The following EIF4EBP2 variants were observed in gnomAD, a reference collection of about 807,000 sequenced individuals.
EIF4EBP2 encodes the protein eukaryotic translation initiation factor 4E binding protein 2.
A neutral mutation model predicts 10.3 loss-of-function variants in EIF4EBP2; 5 were observed. The ratio of observed to expected loss-of-function variants is 0.48; its 90% CI spans 0.25 to 1.02. The LOEUF is 1.02. EIF4EBP2 is among the 50% of genes least tolerant of loss of function. EIF4EBP2 has a pLI of 0.15. For missense variants in EIF4EBP2, 188 were observed against 162.2 expected (o/e 1.16, Z -0.86); for synonymous variants, 67 against 61.1 (o/e 1.10, Z -0.45).
At chr10:70,416,380 AC>A (rs1271147037) in intron 1 of EIF4EBP2, among the ~76,000 whole-genome samples, 1 of 152,104 alleles carries the variant, frequency 6.6e-6, no homozygotes. Context: ...AGAGATCGAG[AC>A]CATCCTAGCC....
In EIF4EBP2 at chr10:70,421,913, C is replaced by T. The variant is rs1845161235; in HGVS notation, c.*166C>T. The T allele has an allele frequency of 1.6e-6, 1 of 610,074 alleles. No homozygotes were observed. Among genetic ancestry groups the T allele is most frequent in the African/African-American group, 1.8e-5 (1 of 54,572 alleles). The allele number at this position is 610,074 out of a possible 1,614,324, so 37.8% of individuals were successfully genotyped here. A position where few individuals can be genotyped will look rare whatever the true frequency, so the allele number is the denominator to read the frequency against. On this transcript the variant is annotated 3_prime_UTR_variant, in exon 3 of 3. Transcript: ENST00000373218. Reference sequence around the variant, plus strand: ...GGGTGCCAAATGATGGGAAGATGAGCTTCATCTGACCATTTCTTCTCCCTG... The same window carrying T: ...GGGTGCCAAATGATGGGAAGATGAGTTTCATCTGACCATTTCTTCTCCCTG...
intron 1 of EIF4EBP2, among the ~76,000 whole-genome samples, chr10:70,416,525 G>A (rs1845096703): frequency 7.0e-6 from 1 of 143,482 alleles, no homozygotes; most frequent in Non-Finnish European, 1.5e-5. Flanking sequence ...GTTGCAGTGA[G>A]CCAAGATCAT....
At chr10:70,410,483 G>C (rs992766217) in intron 1 of EIF4EBP2, among the ~76,000 whole-genome samples, 3 of 152,222 alleles carry the variant, frequency 2.0e-5, no homozygotes, top group African/African-American at 7.2e-5. Flanking sequence ...TACAGAGTTA[G>C]GCAGCTTTTA....
In EIF4EBP2 at chr10:70,427,174, A is replaced by G. The variant is rs530526239; in HGVS notation, c.*5427A>G. 1 of 152,266 alleles carries G rather than the reference A, an allele frequency of 6.6e-6. No individual in the cohort carries two copies. The highest frequency in any genetic ancestry group is 2.4e-5 in the African/African-American group (1 of 41,552). The allele number at this position is 152,266 out of a possible 1,614,324, so 9.4% of individuals were successfully genotyped here. On this transcript the variant is annotated 3_prime_UTR_variant, in exon 3 of 3. Transcript: ENST00000373218. Reference sequence around the variant, plus strand: ...CTGGACTACATGCACATGGGCAGCTATAGATTAATCTGCAAAACCTAGTCA... The same window carrying G: ...CTGGACTACATGCACATGGGCAGCTGTAGATTAATCTGCAAAACCTAGTCA...
rs1845210727 is a variant in EIF4EBP2, at chr10:70,426,918, G to T, written c.*5171G>T. On this transcript the variant is annotated 3_prime_UTR_variant, in exon 3 of 3. Coordinates refer to ENST00000373218, the MANE Select transcript of EIF4EBP2 (RefSeq NM_004096.5). ...TGAGTATGTGGGTTTCACTGCCGGAGTCCATCATTTAGCCAGTATACATAG... is the reference window on the plus strand; with the variant it reads ...TGAGTATGTGGGTTTCACTGCCGGATTCCATCATTTAGCCAGTATACATAG... The T allele has an allele frequency of 6.6e-6, 1 of 152,298 alleles. No homozygotes were observed. The highest frequency in any genetic ancestry group is 1.5e-5 in the Non-Finnish European group (1 of 68,032). 9.4% of individuals were successfully genotyped at this position (152,298 alleles called of 1,614,324 possible).
rs750870804 is a variant in EIF4EBP2 at position 70,415,156 on chromosome 10, TCG to T, written c.146-4757_146-4756del. 2.3e-3 allele frequency among the ~76,000 whole-genome samples: 327 copies of T among 141,324 alleles called. 8 individuals carry two copies. In the East Asian group the frequency reaches 0.049, roughly 21 times the overall value. The allele number at this position is 141,324 out of a possible 152,430, so 92.7% of individuals were successfully genotyped here. A position where few individuals can be genotyped will look rare whatever the true frequency, so the allele number is the denominator to read the frequency against. On this transcript the variant is annotated intron_variant, in intron 1 of 2. Coordinates refer to ENST00000373218, the MANE Select transcript of EIF4EBP2 (RefSeq NM_004096.5). Reference sequence around the variant, plus strand: ...TTGGACGACAGAGCAAGACCCTCTCTCGAAAAAAAAAAAAAAGAAAAGAAAAA... The same window carrying T: ...TTGGACGACAGAGCAAGACCCTCTCTAAAAAAAAAAAAAAGAAAAGAAAAA...
At position 70,404,388 on chromosome 10, in the gene EIF4EBP2, C is replaced by A; in HGVS notation, c.-14C>A. On this transcript the variant is annotated 5_prime_UTR_variant, in exon 1 of 3. Transcript: ENST00000373218. ...CTGCCCGCCGGACAAAGCCGAGAGC[C>A]CGCGCCCACAGCCATGTCCTCGTCA... is the stretch of plus-strand genomic sequence containing the variant. 3 of 1,556,904 alleles carry A rather than the reference C, an allele frequency of 1.9e-6. No individual in the cohort carries two copies. The highest frequency in any genetic ancestry group is 2.6e-6 in the Non-Finnish European group (3 of 1,155,032).
Position 70,404,335 on chromosome 10 carries a change from G to T in EIF4EBP2, c.-67G>T. ...CGCTTTTCCGTCCGCCTGAGGAGCC[G>T]AAGCAGCCCCGGCCCCGCCGCCGCC... On this transcript the variant is annotated 5_prime_UTR_variant, in exon 1 of 3. Transcript: ENST00000373218. 1 of 1,463,976 alleles carries T rather than the reference G, an allele frequency of 6.8e-7. No homozygotes were observed. Among genetic ancestry groups the T allele is most frequent in the Non-Finnish European group, 9.0e-7 (1 of 1,112,134 alleles). 90.7% of individuals were successfully genotyped at this position (1,463,976 alleles called of 1,614,324 possible). A position where few individuals can be genotyped will look rare whatever the true frequency, so the allele number is the denominator to read the frequency against.
intron 1 of EIF4EBP2, among the ~76,000 whole-genome samples, chr10:70,407,423 G>A (rs1844980583): frequency 6.6e-6 from 1 of 152,084 alleles, no homozygotes; most frequent in South Asian, 2.1e-4. Context: ...GAGAGCACAG[G>A]GTTGGGGGTA....
At position 70,419,933 on chromosome 10, in the gene EIF4EBP2, C is replaced by CAG; in HGVS notation, c.167_168dup (p.Lys57GlufsTer32). Reference sequence around the variant, plus strand: ...TTCCAGGAACTCGAATCATTTATGACAGAAAGTTTCTGTTGGATCGTCGCA... The same window carrying CAG: ...TTCCAGGAACTCGAATCATTTATGACAGAGAAAGTTTCTGTTGGATCGTCGCA... On this transcript the variant is annotated frameshift_variant, in exon 2 of 3. Transcript: ENST00000373218. LOFTEE classifies it high-confidence loss of function. 1 of 1,585,302 alleles carries CAG rather than the reference C, an allele frequency of 6.3e-7. No individual in the cohort carries two copies. Among genetic ancestry groups the CAG allele is most frequent in the Non-Finnish European group, 8.5e-7 (1 of 1,169,826 alleles).
rs145203658 is a variant in EIF4EBP2, at chr10:70,424,842, A to G, written c.*3095A>G. The G allele has an allele frequency of 1.6e-4, 25 of 152,356 alleles. No individual in the cohort carries two copies. The highest frequency in any genetic ancestry group is 5.8e-4 in the African/African-American group (24 of 41,588). The allele number at this position is 152,356 out of a possible 1,614,324, so 9.4% of individuals were successfully genotyped here. On this transcript the variant is annotated 3_prime_UTR_variant, in exon 3 of 3. Coordinates refer to ENST00000373218, the MANE Select transcript of EIF4EBP2 (RefSeq NM_004096.5). ...TGTTTAAATAGGTACAGCATTTTCA[A>G]GGGCACAGATACAGAGAAGCTGGCT...
At chr10:70,414,807 G>A (rs1175231806) in intron 1 of EIF4EBP2, among the ~76,000 whole-genome samples, 1 of 152,168 alleles carries the variant, frequency 6.6e-6, no homozygotes, top group Non-Finnish European at 1.5e-5. Context: ...GGTGGAGGTT[G>A]CAGTGAGCTG....
chr10:70,408,913 G>A, intron 1 of EIF4EBP2, among the ~76,000 whole-genome samples: 1 of 152,140 alleles, frequency 6.6e-6, no homozygotes, highest in Non-Finnish European at 1.5e-5. Context: ...TCTATTTAGT[G>A]GTAAGGGAGG....
intron 1 of EIF4EBP2, among the ~76,000 whole-genome samples, chr10:70,405,904 T>G (rs1462535220): frequency 1.3e-5 from 2 of 152,158 alleles, no homozygotes; most frequent in Admixed American, 6.5e-5. Flanking sequence ...AAGGAAATGT[T>G]AACTTTGCAG....
At chr10:70,416,543 T>C (rs971574691) in intron 1 of EIF4EBP2, among the ~76,000 whole-genome samples, 10 of 136,470 alleles carry the variant, frequency 7.3e-5, no homozygotes, top group African/African-American at 2.5e-4. Context: ...CATGCAGCTG[T>C]ACTCCAGCCT....
intron 1 of EIF4EBP2, among the ~76,000 whole-genome samples, chr10:70,407,125 T>TG (rs1844973796): frequency 6.6e-6 from 1 of 150,444 alleles, no homozygotes. Context: ...TCTTTTTTTT[T>TG]TTGTTGTTGT....
chr10:70,405,547 C>A (rs764641212), intron 1 of EIF4EBP2, among the ~76,000 whole-genome samples: 5 of 152,338 alleles, frequency 3.3e-5, no homozygotes, highest in Non-Finnish European at 1.5e-5. Context: ...TTTTTAACTT[C>A]AGAACTTTGT....
chr10:70,419,892 T>G, intron 1 of EIF4EBP2, 22 bp from the exon 2 acceptor site: 1 of 1,531,290 alleles, frequency 6.5e-7, no homozygotes, highest in East Asian at 2.4e-5. Context: ...TGTTTCAAAC[T>G]CTTTTTAACC....
At chr10:70,406,551 A>G (rs1360122808) in intron 1 of EIF4EBP2, among the ~76,000 whole-genome samples, 2 of 150,866 alleles carry the variant, frequency 1.3e-5, no homozygotes, top group African/African-American at 5.0e-5. Context: ...CCCTGAGGGA[A>G]GAGCCACCTA....
Sources: gnomAD v4.1 joint callset for allele counts (sites outside exome capture counted in the v4.1 genomes callset) on GRCh38, gnomAD v4.1.1 for gene constraint, MANE v1.5 for transcripts, NCBI Gene and HGNC (gene_info 2026-07-23, HGNC 2026-07-21) for gene names.